Variants in NEBL observed in about 807,000 individuals in gnomAD.
NEBL encodes nebulette.
NEBL carries 122 observed loss-of-function variants against 140.2 expected under a neutral mutation model. That is an observed-to-expected ratio of 0.87 (90% CI 0.75 to 1.01). The LOEUF (loss-of-function observed/expected upper bound fraction) is 1.01. NEBL is among the 50% of genes least tolerant of loss of function. The probability of loss-of-function intolerance (pLI) is 0.00; values close to 1 mark genes in which losing one functional copy is unlikely to be tolerated. For missense variants in NEBL, 1,365 were observed against 1,231.3 expected (o/e 1.11, Z -1.62); for synonymous variants, 436 against 398.9 (o/e 1.09, Z -1.11).
chr10:20,968,450 G>A (rs1471085609), intron 3 of NEBL, among the ~76,000 whole-genome samples: 3 of 152,150 alleles, frequency 2.0e-5, no homozygotes, highest in African/African-American at 7.2e-5. Flanking sequence ...GTTCAAGGCT[G>A]CAGTGAGCTA....
intron 7 of NEBL, among the ~76,000 whole-genome samples, chr10:20,861,902 G>A (rs538574070): frequency 6.6e-6 from 1 of 152,262 alleles, no homozygotes; most frequent in East Asian, 1.9e-4. Context: ...AGTTAAAAAT[G>A]CACCATATAC....
At chr10:21,187,785 A>T (rs752802861) in intron 3 of NEBL, among the ~76,000 whole-genome samples, 9 of 152,194 alleles carry the variant, frequency 5.9e-5, no homozygotes, top group Non-Finnish European at 1.0e-4. Context: ...AAGTGCTGGG[A>T]TTACAGATGT....
chr10:21,038,711 C>A (rs1234835427), intron 2 of NEBL, among the ~76,000 whole-genome samples: 1 of 152,096 alleles, frequency 6.6e-6, no homozygotes, highest in East Asian at 1.9e-4. Flanking sequence ...ATTTATAATC[C>A]TTTGAGTATA....
At chr10:21,239,215 G>A (rs111689129) in intron 3 of NEBL, among the ~76,000 whole-genome samples, 18 of 151,950 alleles carry the variant, frequency 1.2e-4, no homozygotes, top group Admixed American at 2.6e-4. Context: ...GTTCCAACTC[G>A]TCCTGGTGAG....
intron 3 of NEBL, among the ~76,000 whole-genome samples, chr10:21,221,464 G>A (rs927402212): frequency 1.3e-5 from 2 of 151,942 alleles, no homozygotes; most frequent in African/African-American, 4.8e-5. Flanking sequence ...ATTCTTTCAA[G>A]TCCTACCTAT....
At chr10:21,117,030 G>A (rs1473458573) in intron 2 of NEBL, among the ~76,000 whole-genome samples, 1 of 151,994 alleles carries the variant, frequency 6.6e-6, no homozygotes, top group Non-Finnish European at 1.5e-5. Flanking sequence ...TGTTGGTGCT[G>A]GAGCTTTTTA....
At chr10:20,808,456 T>C (rs1400771658) in intron 26 of NEBL, 54 bp downstream of exon 26, 1 of 1,571,582 alleles carries the variant, frequency 6.4e-7, no homozygotes, top group African/African-American at 1.4e-5. Context: ...GACACTCTTG[T>C]GACACACTTA....
intron 3 of NEBL, among the ~76,000 whole-genome samples, chr10:21,196,978 T>C (rs1029190480): frequency 3.3e-5 from 5 of 152,212 alleles, no homozygotes; most frequent in Non-Finnish European, 5.9e-5. Context: ...TTTTCTCGGA[T>C]GTTATTTCGT....
At chr10:21,133,832 G>A (rs1839226057) in intron 2 of NEBL, among the ~76,000 whole-genome samples, 1 of 152,126 alleles carries the variant, frequency 6.6e-6, no homozygotes, top group Middle Eastern at 3.2e-3. Flanking sequence ...GAACCTTAAG[G>A]AGCTTAGGAA....
chr10:21,276,085 C>T (rs1284216991), intron 1 of NEBL, among the ~76,000 whole-genome samples: 4 of 151,646 alleles, frequency 2.6e-5, no homozygotes, highest in Non-Finnish European at 5.9e-5. Context: ...ATTGTCATGC[C>T]TCAGCCTCCT....
intron 2 of NEBL, among the ~76,000 whole-genome samples, chr10:21,060,581 G>C (rs1040372005): frequency 6.6e-6 from 1 of 151,798 alleles, no homozygotes; most frequent in Non-Finnish European, 1.5e-5. Flanking sequence ...ATTTTAAAAT[G>C]GTTTTATTTA....
chr10:20,850,993 G>C (rs903608597), intron 10 of NEBL, among the ~76,000 whole-genome samples: 35 of 152,286 alleles, frequency 2.3e-4, no homozygotes, highest in African/African-American at 7.7e-4. Flanking sequence ...TAGACACTGA[G>C]TAAAACACTC....
intron 2 of NEBL, among the ~76,000 whole-genome samples, chr10:21,105,086 T>C (rs1170461142): frequency 6.6e-6 from 1 of 152,194 alleles, no homozygotes; most frequent in African/African-American, 2.4e-5. Context: ...TTGGCGATGA[T>C]ATTATCTTTT....
At chr10:21,178,810 T>C (rs1460952280), upstream of NEBL, among the ~76,000 whole-genome samples, 1 of 152,148 alleles carries the variant, frequency 6.6e-6, no homozygotes, top group Non-Finnish European at 1.5e-5. Flanking sequence ...AGCTAAAACC[T>C]TTCTAGACTC....
At chr10:21,179,163 A>G (rs542833357), upstream of NEBL, among the ~76,000 whole-genome samples, 9 of 152,208 alleles carry the variant, frequency 5.9e-5, no homozygotes, top group East Asian at 1.7e-3. Flanking sequence ...ACAAAAATAA[A>G]CCAAGCTTAT....
chr10:21,239,776 G>T (rs1030845683), intron 3 of NEBL, among the ~76,000 whole-genome samples: 63 of 152,208 alleles, frequency 4.1e-4, no homozygotes, highest in African/African-American at 1.4e-3. Context: ...CCAGCACTTT[G>T]GAGGTTGAGG....
chr10:20,976,212 G>A (rs1372728309), intron 3 of NEBL, among the ~76,000 whole-genome samples: 2 of 151,726 alleles, frequency 1.3e-5, no homozygotes, highest in African/African-American at 4.8e-5. Flanking sequence ...ATGGTGGCGG[G>A]CACCTGTAAT....
Position 21,173,698 on chromosome 10 carries a change from A to C in NEBL, c.69+67T>G. On this transcript the variant is annotated intron_variant, in intron 1 of 6. Coordinates refer to the NEBL transcript ENST00000417816. The surrounding 1 kb of genome is among the most constrained non-coding windows in gnomAD (Gnocchi z 5.7). ...CATTGCTTTCCATCCCAGGTGCCAA[A>C]ACTTCTCGAAGCAGGTGCAGCCCCT... is the stretch of plus-strand genomic sequence containing the variant. 6.2e-7 allele frequency: 1 copy of C among 1,607,426 alleles called. No individual in the cohort carries two copies. Among genetic ancestry groups the C allele is most frequent in the East Asian group, 2.2e-5 (1 of 44,696 alleles).
In NEBL at chr10:21,119,474, TA is replaced by T. The variant is rs140636680; in HGVS notation, c.164+52908del. ...ATTAATATACTGAATATAACATATA[TA>T]GTTATATTAATATACTGAATATAAC... On this transcript the variant is annotated intron_variant, in intron 2 of 6. Transcript: ENST00000417816. Among the ~76,000 whole-genome samples, 691 of 148,772 alleles carry T rather than the reference TA, an allele frequency of 4.6e-3. 4 individuals are homozygous for T. Among genetic ancestry groups the T allele is most frequent in the African/African-American group, 0.016 (645 of 40,762 alleles).
Sources: gnomAD v4.1 joint callset for allele counts (sites outside exome capture counted in the v4.1 genomes callset) on GRCh38, gnomAD v4.1.1 for gene constraint, Gnocchi (gnomAD v3.1) non-coding constraint, MANE v1.5 for transcripts, NCBI Gene and HGNC (gene_info 2026-07-23, HGNC 2026-07-21) for gene names.